Variants in SLITRK3 observed in about 807,000 individuals in gnomAD.
SLITRK3 encodes SLIT and NTRK like family member 3, also known as SLIT and NTRK-like protein 3.
A neutral mutation model predicts 63.6 loss-of-function variants in SLITRK3; 16 were observed. That is an observed-to-expected ratio of 0.25 (90% CI 0.17 to 0.38). The LOEUF is 0.38. Ranked by LOEUF, SLITRK3 falls within the 10% of genes least tolerant of loss-of-function variation. SLITRK3 has a pLI of 1.00. For missense variants in SLITRK3, 1,117 were observed against 1,181.4 expected (o/e 0.95, Z 0.80); for synonymous variants, 547 against 451.6 (o/e 1.21, Z -2.68).
chr3:165,187,913 G>GTC lies in SLITRK3; in HGVS notation c.2916_2917dup (p.Thr973ArgfsTer14). 6.2e-7 allele frequency: 1 copy of GTC among 1,611,304 alleles called. No homozygotes were observed. Among genetic ancestry groups the GTC allele is most frequent in the Non-Finnish European group, 8.5e-7 (1 of 1,178,836 alleles). ...TTCTCTCTGTTAGAACCTGTATGTT[G>GTC]TCTTCTCCAGGACTTCGAGGTAATC... On this transcript the variant is annotated frameshift_variant, in exon 2 of 2. Transcript: ENST00000475390. LOFTEE classifies it high-confidence loss of function.
In SLITRK3 at chr3:165,188,090, T is replaced by A; in HGVS notation, c.2741A>T (p.His914Leu). ...GTATTGCATGCCAGGAGGGTGCACG[T>A]GCAGTTCCTTTAATTTGGGCACTGT... ...YGTVPKLKEL[H>L]VHPPGMQYPD... Residue 914 changes from histidine to leucine, a missense_variant, in exon 2 of 2, where the codon CAC becomes CTC. Around this residue, in one of 4 missense-constraint regions of SLITRK3, gnomAD observed 499 missense variants for 463.6 expected, o/e 1.08. Coordinates refer to ENST00000475390, the MANE Select transcript of SLITRK3 (RefSeq NM_001318810.2). 6.2e-7 allele frequency: 1 copy of A among 1,613,804 alleles called. No individual in the cohort carries two copies. Among genetic ancestry groups the A allele is most frequent in the Admixed American group, 1.7e-5 (1 of 59,976 alleles).
At chr3:165,196,897 G>GTCTCTCTCTGTCTCTCTCTCTCTCTCTC (rs1718450783), upstream of SLITRK3, 39 of 96,522 alleles carry the variant, frequency 4.0e-4, no homozygotes, top group African/African-American at 1.3e-3. Context: ...CTCTCTCTCT[G>GTCTCTCTCTGTCTCTCTCTCTCTCTCTC]TCTCTCTCTC....
Position 165,190,599 on chromosome 3 carries a change from T to C in SLITRK3, c.232A>G (p.Arg78Gly). Residue 78 changes from arginine to glycine, a missense_variant, in exon 2 of 2, where the codon AGA becomes GGA. By Grantham distance (125) the Arg-to-Gly change is moderately radical. Coordinates refer to ENST00000475390, the MANE Select transcript of SLITRK3 (RefSeq NM_001318810.2). ...CTCTGCAGATACAGTTTAAAAGGTC[T>C]TGACCAGAACTCGGTAATCTGACTA... Reference protein sequence around the residue: ...NISQITEFWSRPFKLYLQRNS... With the variant: ...NISQITEFWSGPFKLYLQRNS... 1 of 1,613,976 alleles carries C rather than the reference T, an allele frequency of 6.2e-7. No homozygotes were observed. Among genetic ancestry groups the C allele is most frequent in the Middle Eastern group, 1.7e-4 (1 of 6,058 alleles).
In SLITRK3 at chr3:165,187,787, T is replaced by C. The variant is rs1718007960; in HGVS notation, c.*110A>G. ...TTAGTTTTGTTCAGGGTAGGAAAGA[T>C]CGTGAGGATGGAGTTACTGGGACAA... On this transcript the variant is annotated 3_prime_UTR_variant, in exon 2 of 2. Transcript: ENST00000475390. 5 of 877,472 alleles carry C rather than the reference T, an allele frequency of 5.7e-6. No homozygotes were observed. The highest frequency in any genetic ancestry group is 8.8e-6 in the Non-Finnish European group (5 of 570,356). The allele number at this position is 877,472 out of a possible 1,614,324, so 54.4% of individuals were successfully genotyped here. A position where few individuals can be genotyped will look rare whatever the true frequency, so the allele number is the denominator to read the frequency against.
upstream of SLITRK3, chr3:165,196,879 C>A (rs1471759900): frequency 3.2e-5 from 4 of 124,296 alleles, no homozygotes; most frequent in Non-Finnish European, 6.2e-5. Flanking sequence ...AGTGATCTCT[C>A]TCTCTCTCTC....
chr3:165,193,277 TTTTCTTTCTTTC>T (rs146325529), intron 1 of SLITRK3, among the ~76,000 whole-genome samples: 143 of 138,986 alleles, frequency 1.0e-3, no homozygotes, highest in African/African-American at 2.9e-3. Flanking sequence ...GGGATAGGCA[TTTTCTTTCTTTC>T]TTTCTTTCTT....
rs780865618 is a variant in SLITRK3, at chr3:165,188,447, T to C, written c.2384A>G (p.Glu795Gly). The change falls in exon 2 of 2, where the codon GAG (glutamate) becomes GGG (glycine). Residue 795 changes from glutamate to glycine, a missense_variant. Glu to Gly is a moderately conservative substitution (Grantham distance 98). Transcript: ENST00000475390. ...PGMGEALLGS[E>G]QFAETPKENH... Reference sequence around the variant, plus strand: ...CTCCTTGGGTGTCTCAGCAAACTGCTCACTTCCTAGGAGAGCCTCACCCAT... The same window carrying C: ...CTCCTTGGGTGTCTCAGCAAACTGCCCACTTCCTAGGAGAGCCTCACCCAT... The C allele has an allele frequency of 1.9e-6, 3 of 1,613,676 alleles. No homozygotes were observed.
In SLITRK3 at chr3:165,189,418, C is replaced by A; in HGVS notation, c.1413G>T (p.Leu471=). 1 of 1,613,338 alleles carries A rather than the reference C, an allele frequency of 6.2e-7. No individual in the cohort carries two copies. Among genetic ancestry groups the A allele is most frequent in the Non-Finnish European group, 8.5e-7 (1 of 1,180,024 alleles). The stretch of plus-strand genomic sequence containing the variant: ...GTAGGCCTCGGAACATGCCTGGTGT[C>A]AGCTTCTCTATATCGTTGCCATTAA... The part of the protein sequence containing the change: ...LFLNGNDIEK[L]TPGMFRGLQS... Residue 471 remains leucine, a synonymous_variant, in exon 2 of 2, where the codon CTG becomes CTT. Transcript: ENST00000475390. The surrounding 1 kb of genome is among the most constrained non-coding windows in gnomAD (Gnocchi z 4.0).
Position 165,189,242 on chromosome 3 carries a change from G to T in SLITRK3, c.1589C>A (p.Ala530Asp). 1.2e-6 allele frequency: 2 copies of T among 1,614,182 alleles called. No individual in the cohort carries two copies. Among genetic ancestry groups the T allele is most frequent in the Non-Finnish European group, 1.7e-6 (2 of 1,180,032 alleles). ...GTAGTTCTTCCTCAGGTTGAGCCGG[G>T]CCAGGGATGTGCCAGCAAAGGCGTC... ...PTDAFAGTSLARLNLRKNYFL... is the reference protein window; with the variant it reads ...PTDAFAGTSLDRLNLRKNYFL... Residue 530 changes from alanine (A) to aspartate (D), a missense_variant, in exon 2 of 2, where the codon GCC becomes GAC. Transcript: ENST00000475390. This position sits in a 1 kb window ranked among gnomAD's most constrained non-coding sequence, Gnocchi z 4.0.
chr3:165,192,489 G>C (rs896220401), intron 1 of SLITRK3, among the ~76,000 whole-genome samples: 3 of 151,640 alleles, frequency 2.0e-5, no homozygotes, highest in African/African-American at 7.3e-5. Context: ...AGATGTGTTG[G>C]ACTTACCTAT....
chr3:165,196,600 C>A, upstream of SLITRK3: 1 of 152,740 alleles, frequency 6.5e-6, no homozygotes, highest in South Asian at 1.9e-4. Flanking sequence ...ACCAACGTCT[C>A]CTCCTAAACT....
intron 1 of SLITRK3, among the ~76,000 whole-genome samples, chr3:165,195,330 T>C (rs1423681530): frequency 6.6e-6 from 1 of 152,134 alleles, no homozygotes; most frequent in Admixed American, 6.5e-5. Context: ...CCACCTGGCC[T>C]ATTTGTTGGA....
intron 1 of SLITRK3, among the ~76,000 whole-genome samples, chr3:165,194,521 C>A (rs183747628): frequency 6.6e-6 from 1 of 152,200 alleles, no homozygotes; most frequent in Admixed American, 6.5e-5. Context: ...CCCTATTGCT[C>A]CCATAGGTCT....
chr3:165,196,897 G>GTCTCTCTCTCTGTCTCTCTCTCTCTC (rs1718450974), upstream of SLITRK3: 1 of 96,474 alleles, frequency 1.0e-5, no homozygotes, highest in African/African-American at 3.6e-5. Context: ...CTCTCTCTCT[G>GTCTCTCTCTCTGTCTCTCTCTCTCTC]TCTCTCTCTC....
Position 165,188,248 on chromosome 3 carries a change from G to C in SLITRK3, c.2583C>G (p.Arg861=). 1 of 1,613,630 alleles carries C rather than the reference G, an allele frequency of 6.2e-7. No individual in the cohort carries two copies. Among genetic ancestry groups the C allele is most frequent in the Non-Finnish European group, 8.5e-7 (1 of 1,179,864 alleles). The change falls in exon 2 of 2, where the codon CGC becomes CGG. Residue 861 remains arginine (R), a synonymous_variant. Transcript: ENST00000475390. ...GGTGGDLAGF[R]HHEKNGGVVL... ...CCACCCCACCATTTTTCTCATGGTG[G>C]CGGAACCCTGCCAAGTCTCCCCCAG...
At position 165,189,661 on chromosome 3, in the gene SLITRK3, G is replaced by A; in HGVS notation, c.1170C>T (p.Val390=). The change falls in exon 2 of 2, where the codon GTC becomes GTT. Residue 390 remains valine, a synonymous_variant. Transcript: ENST00000475390. The surrounding 1 kb of genome is among the most constrained non-coding windows in gnomAD (Gnocchi z 4.0). The part of the protein sequence containing the change: ...NLHINDLGLT[V]NCKERGFNNI... ...TATTAAATCCTCGCTCTTTGCAGTT[G>A]ACAGTCAAGCCAAGGTCATTGATGT... 2 of 1,614,156 alleles carry A rather than the reference G, an allele frequency of 1.2e-6. No individual in the cohort carries two copies. Among genetic ancestry groups the A allele is most frequent in the Non-Finnish European group, 1.7e-6 (2 of 1,180,026 alleles).
At position 165,188,269 on chromosome 3, in the gene SLITRK3, C is replaced by G; in HGVS notation, c.2562G>C (p.Gly854=). The G allele has an allele frequency of 6.2e-7, 1 of 1,613,664 alleles. No individual in the cohort carries two copies. The highest frequency in any genetic ancestry group is 8.5e-7 in the Non-Finnish European group (1 of 1,179,834). ...GGVSGVVGGT[G]GDLAGFRHHE... ...GGTGGCGGAACCCTGCCAAGTCTCC[C>G]CCAGTTCCCCCAACTACTCCTGAAA... Residue 854 remains glycine (G), a synonymous_variant, in exon 2 of 2, where the codon GGG becomes GGC. Coordinates refer to ENST00000475390, the MANE Select transcript of SLITRK3 (RefSeq NM_001318810.2).
At chr3:165,196,491 CGCGGCG>C, upstream of SLITRK3, 1 of 154,856 alleles carries the variant, frequency 6.5e-6, no homozygotes, top group Non-Finnish European at 1.4e-5. Flanking sequence ...AGGAGACGCT[CGCGGCG>C]GCGGCGGCGG....
Position 165,196,174 on chromosome 3 carries a change from G to T in SLITRK3, c.-616C>A, listed in dbSNP as rs1178224027. On this transcript the variant is annotated 5_prime_UTR_variant, in exon 1 of 2. Transcript: ENST00000475390. ...GGCGTGTAGATGAGAGAAGAAAAGG[G>T]TGGGGAGAGGCGGAAAGGAGGCAGG... is the stretch of plus-strand genomic sequence containing the variant. 2.6e-5 allele frequency among the ~76,000 whole-genome samples: 4 copies of T among 151,326 alleles called. No homozygotes were observed. Among genetic ancestry groups the T allele is most frequent in the African/African-American group, 9.7e-5 (4 of 41,124 alleles).
Sources: allele counts gnomAD v4.1 joint callset (sites outside exome capture counted in the v4.1 genomes callset), GRCh38; gene constraint gnomAD v4.1.1; regional missense constraint gnomAD v4.1.1; non-coding constraint Gnocchi (gnomAD v3.1); transcripts MANE v1.5; gene names NCBI Gene and HGNC (gene_info 2026-07-23, HGNC 2026-07-21).